The following DLG2 variants were observed in gnomAD, a reference collection of about 807,000 sequenced individuals.
The protein encoded by DLG2 is disks large homolog 2.
A neutral mutation model predicts 132.5 loss-of-function variants in DLG2; 45 were observed. The ratio of observed to expected loss-of-function variants is 0.34; its 90% CI spans 0.27 to 0.44. The LOEUF is 0.44. Among genes scored for constraint, DLG2 ranks in the 20% least tolerant of loss-of-function variants. DLG2 has a pLI of 1.00. For missense variants in DLG2, 1,045 were observed against 1,196.9 expected (o/e 0.87, Z 1.87); for synonymous variants, 424 against 419.6 (o/e 1.01, Z -0.13).
Position 83,489,535 on chromosome 11 carries a change from G to A in DLG2, c.2194-5307C>T, listed in dbSNP as rs145981774. Among the ~76,000 whole-genome samples, 245 of 151,974 alleles carry A rather than the reference G, an allele frequency of 1.6e-3. 1 individual carries two copies. Among genetic ancestry groups the A allele is most frequent in the African/African-American group, 5.5e-3 (227 of 41,500 alleles). On this transcript the variant is annotated intron_variant, in intron 21 of 27. Transcript: ENST00000376104. Reference sequence around the variant, plus strand: ...CCAAACCCATCTGTGATACTTATGAGCCAATTTGGCCCTGAAAAAATACTG... The same window carrying A: ...CCAAACCCATCTGTGATACTTATGAACCAATTTGGCCCTGAAAAAATACTG...
intron 6 of DLG2, among the ~76,000 whole-genome samples, chr11:84,600,113 G>A (rs1170659042): frequency 8.3e-6 from 1 of 119,842 alleles, no homozygotes; most frequent in Non-Finnish European, 1.7e-5. Context: ...AAGGAAGGAA[G>A]GAAGGAAAGA....
chr11:84,119,976 A>G (rs996542900), intron 9 of DLG2, among the ~76,000 whole-genome samples: 2 of 152,228 alleles, frequency 1.3e-5, no homozygotes, highest in Non-Finnish European at 2.9e-5. Context: ...CATACTTTGC[A>G]TTAACTGATT....
chr11:83,847,708 C>T (rs2058891741), intron 16 of DLG2, among the ~76,000 whole-genome samples: 1 of 152,152 alleles, frequency 6.6e-6, no homozygotes, highest in South Asian at 2.1e-4. Context: ...TAGCATTTCA[C>T]ATGCTTGCTT....
intron 4 of DLG2, among the ~76,000 whole-genome samples, chr11:85,271,201 G>A (rs1324060726): frequency 1.3e-5 from 2 of 152,202 alleles, no homozygotes; most frequent in African/African-American, 4.8e-5. Flanking sequence ...GTAAAGCTTA[G>A]GTCATGGCTT....
At chr11:84,275,765 C>T (rs2097778004) in intron 7 of DLG2, among the ~76,000 whole-genome samples, 3 of 152,042 alleles carry the variant, frequency 2.0e-5, no homozygotes, top group Admixed American at 2.0e-4. Flanking sequence ...AACAAAAAGG[C>T]AAATTTAAAA....
intron 3 of DLG2, among the ~76,000 whole-genome samples, chr11:85,535,393 T>C (rs1421260604): frequency 6.6e-6 from 1 of 152,010 alleles, no homozygotes. Context: ...TAAATATATA[T>C]ATAAAAATAA....
chr11:84,536,945 A>G (rs2099356929), intron 6 of DLG2, among the ~76,000 whole-genome samples: 1 of 152,086 alleles, frequency 6.6e-6, no homozygotes. Flanking sequence ...CCCGTTTCCC[A>G]TAAATTCTCT....
Position 84,288,283 on chromosome 11 carries a change from G to C in DLG2, c.520-36992C>G, listed in dbSNP as rs572398981. ...AATACTTACACTTAAATATTTCTTA[G>C]AGTATAAGAAAGTACTAAAGATTAA... On this transcript the variant is annotated intron_variant, in intron 7 of 27. Coordinates refer to ENST00000376104, the MANE Select transcript of DLG2 (RefSeq NM_001142699.3). Among the ~76,000 whole-genome samples, 5 of 151,870 alleles carry C rather than the reference G, an allele frequency of 3.3e-5. No individual in the cohort carries two copies. The South Asian group carries it at 1.0e-3, about 32-fold the overall frequency.
chr11:85,094,535 T>C (rs2069400330), intron 6 of DLG2, among the ~76,000 whole-genome samples: 1 of 152,232 alleles, frequency 6.6e-6, no homozygotes, highest in Non-Finnish European at 1.5e-5. Flanking sequence ...CTCTTGCTTC[T>C]TCACCTTGCA....
At chr11:85,156,896 G>T (rs2077626767) in intron 4 of DLG2, among the ~76,000 whole-genome samples, 1 of 152,186 alleles carries the variant, frequency 6.6e-6, no homozygotes, top group South Asian at 2.1e-4. Flanking sequence ...CTTTGTGATG[G>T]TTAATACTGA....
rs1354887027 is a variant in DLG2, at chr11:84,631,008, TCTCTCTCTCTCA to T, written c.358-96289_358-96278del. 2.5e-3 allele frequency among the ~76,000 whole-genome samples: 322 copies of T among 130,062 alleles called. 1 individual carries two copies. Among genetic ancestry groups the T allele is most frequent in the African/African-American group, 8.5e-3 (261 of 30,762 alleles). 85.3% of individuals were successfully genotyped at this position (130,062 alleles called of 152,430 possible). On this transcript the variant is annotated intron_variant, in intron 6 of 27. Coordinates refer to ENST00000376104, the MANE Select transcript of DLG2 (RefSeq NM_001142699.3). Reference sequence around the variant, plus strand: ...CTCTCTCTCTCTCTCTCTCTCTCTCTCTCTCTCTCTCACACACACACACACACACACACACAC... The same window carrying T: ...CTCTCTCTCTCTCTCTCTCTCTCTCTCACACACACACACACACACACACAC...
intron 6 of DLG2, among the ~76,000 whole-genome samples, chr11:84,775,927 A>G (rs1336525131): frequency 6.6e-6 from 1 of 152,152 alleles, no homozygotes; most frequent in Non-Finnish European, 1.5e-5. Flanking sequence ...TTAGGAAAGG[A>G]GTGAGTCCAT....
At chr11:85,381,262 A>C (rs2085861972) in intron 3 of DLG2, among the ~76,000 whole-genome samples, 3 of 152,182 alleles carry the variant, frequency 2.0e-5, no homozygotes, top group South Asian at 2.1e-4. Flanking sequence ...TTTTGTGTGA[A>C]GTTTCCTAAT....
At chr11:85,020,898 T>C (rs559383166) in intron 6 of DLG2, 5 of 766,770 alleles carry the variant, frequency 6.5e-6, no homozygotes, top group Non-Finnish European at 1.2e-5. Flanking sequence ...GTCATGTGCA[T>C]CCCCCTCCTC....
intron 6 of DLG2, among the ~76,000 whole-genome samples, chr11:85,018,303 A>G (rs1042268686): frequency 1.3e-5 from 2 of 152,188 alleles, no homozygotes; most frequent in Admixed American, 6.5e-5. Context: ...TAACAAGGAG[A>G]CACAAATATG....
At chr11:83,587,711 G>A (rs2097110359) in intron 19 of DLG2, among the ~76,000 whole-genome samples, 1 of 152,152 alleles carries the variant, frequency 6.6e-6, no homozygotes, top group South Asian at 2.1e-4. Flanking sequence ...GGTGATTTCT[G>A]CATTTCCATC....
chr11:84,504,082 G>A (rs1189130772), intron 7 of DLG2, among the ~76,000 whole-genome samples: 1 of 152,102 alleles, frequency 6.6e-6, no homozygotes, highest in Admixed American at 6.6e-5. Context: ...ACCATTTGCT[G>A]AGCAATTACT....
In DLG2 at chr11:85,012,342, C is replaced by T. The variant is rs61909114; in HGVS notation, c.357+99319G>A. On this transcript the variant is annotated intron_variant, in intron 6 of 27. Transcript: ENST00000376104. ...GAGATCGAGACCATCCTGGCTAACA[C>T]GGTGAAACCCCATTTCTACTAAAAA... 3.3e-3 allele frequency among the ~76,000 whole-genome samples: 73 copies of T among 21,822 alleles called. 10 individuals are homozygous for T. The highest frequency in any genetic ancestry group is 7.7e-3 in the African/African-American group (12 of 1,560). The allele number at this position is 21,822 out of a possible 152,430, so 14.3% of individuals were successfully genotyped here.
intron 6 of DLG2, among the ~76,000 whole-genome samples, chr11:84,693,443 C>A (rs2058269533): frequency 6.6e-6 from 1 of 151,700 alleles, no homozygotes; most frequent in Non-Finnish European, 1.5e-5. Context: ...TAAACCAAGG[C>A]CTAAGAGAGA....
Sources: gnomAD v4.1 joint callset for allele counts (sites outside exome capture counted in the v4.1 genomes callset) on GRCh38, gnomAD v4.1.1 for gene constraint, MANE v1.5 for transcripts, NCBI Gene and HGNC (gene_info 2026-07-23, HGNC 2026-07-21) for gene names.